Variants in ZBTB44 observed in about 807,000 individuals in gnomAD.
ZBTB44 encodes zinc finger and BTB domain containing 44, also known as zinc finger and BTB domain-containing protein 44.
In ZBTB44, 15 loss-of-function variants were observed where a neutral mutation model predicts 54.0. The observed-to-expected ratio is 0.28, with a 90% CI of 0.19 to 0.43. The LOEUF (loss-of-function observed/expected upper bound fraction) is 0.43, where lower values mean the gene tolerates loss of function less well. Among genes scored for constraint, ZBTB44 ranks in the 20% least tolerant of loss-of-function variants. The probability of loss-of-function intolerance (pLI) is 1.00; values close to 1 mark genes in which losing one functional copy is unlikely to be tolerated. For missense variants in ZBTB44, 487 were observed against 707.1 expected, an observed-to-expected ratio of 0.69 and a Z score of 3.53; for synonymous variants, 230 against 250.1, an observed-to-expected ratio of 0.92 and a Z score of 0.76.
chr11:130,313,636 G>C (rs780575511), intron 1 of ZBTB44, among the ~76,000 whole-genome samples: 1 of 152,160 alleles, frequency 6.6e-6, no homozygotes, highest in Non-Finnish European at 1.5e-5. Context: ...GGAAGTTATG[G>C]AGAATTTCTT....
At chr11:130,283,295 C>T (rs913969132) in intron 1 of ZBTB44, among the ~76,000 whole-genome samples, 2 of 152,046 alleles carry the variant, frequency 1.3e-5, no homozygotes, top group Non-Finnish European at 2.9e-5. Flanking sequence ...ATCCACCCGC[C>T]TCGGCCTCCC....
chr11:130,308,803 A>T (rs1942417592), intron 1 of ZBTB44, among the ~76,000 whole-genome samples: 1 of 152,194 alleles, frequency 6.6e-6, no homozygotes, highest in Non-Finnish European at 1.5e-5. Flanking sequence ...GTCCAAGTGC[A>T]AGCATTCTCC....
Position 130,265,534 on chromosome 11 carries a change from T to G in ZBTB44, c.-56-3605A>C, listed in dbSNP as rs151184334. Reference sequence around the variant, plus strand: ...GATTAAGTTTAGTGAGGAAGGCATGTTGAGAGCTGAGAGAGCCTGAAAGCT... The same window carrying G: ...GATTAAGTTTAGTGAGGAAGGCATGGTGAGAGCTGAGAGAGCCTGAAAGCT... On this transcript the variant is annotated intron_variant, in intron 1 of 7. Coordinates refer to ENST00000357899, the MANE Select transcript of ZBTB44 (RefSeq NM_001301098.2). 7.7e-3 allele frequency among the ~76,000 whole-genome samples: 1,175 copies of G among 152,302 alleles called. 6 individuals carry two copies. The highest frequency in any genetic ancestry group is 0.02 in the Middle Eastern group (6 of 294).
chr11:130,300,978 A>T (rs1011564249), intron 1 of ZBTB44, among the ~76,000 whole-genome samples: 1 of 150,708 alleles, frequency 6.6e-6, no homozygotes, highest in African/African-American at 2.5e-5. Flanking sequence ...TTCCCTTGTT[A>T]CTCTCTCAGA....
intron 1 of ZBTB44, among the ~76,000 whole-genome samples, chr11:130,305,729 G>A (rs538550781): frequency 1.6e-4 from 24 of 152,094 alleles, no homozygotes; most frequent in South Asian, 8.3e-4. Flanking sequence ...AACCAAAAGC[G>A]AATGCAACAA....
intron 1 of ZBTB44, among the ~76,000 whole-genome samples, chr11:130,262,796 G>A (rs1411740508): frequency 2.0e-5 from 3 of 152,276 alleles, no homozygotes; most frequent in African/African-American, 4.8e-5. Flanking sequence ...GGTGGCTCAC[G>A]TCTGTAATCC....
In ZBTB44 at chr11:130,231,120, C is replaced by T. The variant is rs1371463914; in HGVS notation, c.*644G>A. The T allele has an allele frequency of 1.3e-5, 2 of 151,940 alleles. No homozygotes were observed. Among genetic ancestry groups the T allele is most frequent in the African/African-American group, 4.8e-5 (2 of 41,334 alleles). The allele number at this position is 151,940 out of a possible 1,614,324, so 9.4% of individuals were successfully genotyped here. A position where few individuals can be genotyped will look rare whatever the true frequency, so the allele number is the denominator to read the frequency against. On this transcript the variant is annotated 3_prime_UTR_variant, in exon 8 of 8. Transcript: ENST00000357899. ...AATGGGATAATATAACTGGCTATCT[C>T]TTTGCAATATTTTCAATATGTCCTG...
chr11:130,248,253 A>G (rs955794312), intron 2 of ZBTB44, among the ~76,000 whole-genome samples: 3 of 152,274 alleles, frequency 2.0e-5, no homozygotes, highest in African/African-American at 4.8e-5. Flanking sequence ...TACCGCAAGG[A>G]ATTTTCTGTA....
chr11:130,279,921 ATC>A (rs2134260458), intron 1 of ZBTB44, among the ~76,000 whole-genome samples: 1 of 152,346 alleles, frequency 6.6e-6, no homozygotes, highest in Non-Finnish European at 1.5e-5. Context: ...ACCACAAAAA[ATC>A]TCTGAGCCAA....
intron 1 of ZBTB44, among the ~76,000 whole-genome samples, chr11:130,262,131 TG>T (rs543883331): frequency 6.6e-6 from 1 of 152,140 alleles, no homozygotes; most frequent in Admixed American, 6.5e-5. Context: ...TGTGAACCAA[TG>T]TTTTTTTTTG....
At chr11:130,248,771 T>A (rs1425445728) in intron 2 of ZBTB44, among the ~76,000 whole-genome samples, 12 of 152,200 alleles carry the variant, frequency 7.9e-5, no homozygotes, top group African/African-American at 2.4e-4. Context: ...ATTCTACTTA[T>A]ATAACTGAAA....
intron 1 of ZBTB44, among the ~76,000 whole-genome samples, chr11:130,283,697 G>A (rs949454398): frequency 6.6e-6 from 1 of 151,926 alleles, no homozygotes; most frequent in African/African-American, 2.4e-5. Flanking sequence ...CAGGCGCAGT[G>A]GCTCATGCCT....
chr11:130,302,695 C>T (rs891356708), intron 1 of ZBTB44, among the ~76,000 whole-genome samples: 4 of 152,168 alleles, frequency 2.6e-5, no homozygotes, highest in African/African-American at 4.8e-5. Flanking sequence ...AAATGAGGGC[C>T]GGGCGTGATG....
chr11:130,259,862 T>C (rs1938727439), intron 2 of ZBTB44, among the ~76,000 whole-genome samples: 1 of 151,702 alleles, frequency 6.6e-6, no homozygotes, highest in Non-Finnish European at 1.5e-5. Flanking sequence ...AGATGAAGGG[T>C]TGATGGGTGC....
intron 2 of ZBTB44, among the ~76,000 whole-genome samples, chr11:130,246,533 A>G (rs374569614): frequency 3.9e-5 from 6 of 152,092 alleles, no homozygotes; most frequent in African/African-American, 1.2e-4. Flanking sequence ...TCTCTCCCCA[A>G]TTAGAAGTGC....
intron 2 of ZBTB44, among the ~76,000 whole-genome samples, chr11:130,245,209 CT>C (rs1469477848): frequency 6.6e-6 from 1 of 152,086 alleles, no homozygotes; most frequent in Non-Finnish European, 1.5e-5. Flanking sequence ...TGTGTCTTTT[CT>C]TTTTCTTTCT....
intron 2 of ZBTB44, among the ~76,000 whole-genome samples, chr11:130,246,574 A>G (rs1225747272): frequency 6.6e-6 from 1 of 152,192 alleles, no homozygotes; most frequent in East Asian, 1.9e-4. Context: ...ATCAAACTCA[A>G]GTTGCTGCTG....
chr11:130,280,619 C>G (rs1940431588), intron 1 of ZBTB44, among the ~76,000 whole-genome samples: 1 of 152,150 alleles, frequency 6.6e-6, no homozygotes, highest in Non-Finnish European at 1.5e-5. Context: ...TATGCAGTAA[C>G]AGAAGAATAG....
intron 2 of ZBTB44, among the ~76,000 whole-genome samples, chr11:130,249,208 T>G (rs919985515): frequency 6.6e-6 from 1 of 152,124 alleles, no homozygotes; most frequent in African/African-American, 2.4e-5. Flanking sequence ...ATCTTAGATA[T>G]TTAGACAGAT....
Sources: allele counts gnomAD v4.1 joint callset (sites outside exome capture counted in the v4.1 genomes callset), GRCh38; gene constraint gnomAD v4.1.1; transcripts MANE v1.5; gene names NCBI Gene and HGNC (gene_info 2026-07-23, HGNC 2026-07-21).